DNAAF4: variants seen among roughly 807,000 people sequenced by gnomAD.
The protein encoded by DNAAF4 is dynein axonemal assembly factor 4.
DNAAF4 carries 43 observed loss-of-function variants against 51.8 expected under a neutral mutation model. The observed-to-expected ratio is 0.83, with a 90% CI of 0.65 to 1.07. The LOEUF is 1.07. Among genes scored for constraint, DNAAF4 ranks in the 50% least tolerant of loss-of-function variants. The pLI, the probability that DNAAF4 is intolerant of heterozygous loss-of-function variation, is 0.00. For synonymous variants in DNAAF4, 194 were observed against 165.6 expected (o/e 1.17, Z -1.32); for missense variants, 581 against 493.0 (o/e 1.18, Z -1.69).
exon 8 of DNAAF4, chr15:55,418,055 C>T (rs781566474): frequency 4.3e-6 from 6 of 1,393,206 alleles, no homozygotes; most frequent in African/African-American, 1.5e-5. Context: ...TGGATGTATA[C>T]GTGCAGGTCA....
intron 1 of DNAAF4, among the ~76,000 whole-genome samples, chr15:55,504,917 A>T (rs551531185): frequency 1.1e-3 from 162 of 152,372 alleles, no homozygotes; most frequent in African/African-American, 3.7e-3. Flanking sequence ...CAAAATTGAC[A>T]AATGGGATCT....
chr15:55,445,593 A>G (rs6493789), intron 6 of DNAAF4, among the ~76,000 whole-genome samples: 83,460 of 150,892 alleles, frequency 0.55, 24,305 homozygotes, highest in African/African-American at 0.74. Context: ...TGGGGCGGCC[A>G]GGCAGAGGCG....
At chr15:55,493,306 G>C (rs1156234007) in intron 3 of DNAAF4, among the ~76,000 whole-genome samples, 1 of 152,196 alleles carries the variant, frequency 6.6e-6, no homozygotes, top group Admixed American at 6.5e-5. Context: ...ACTATTATTT[G>C]TTGCCTATCT....
intron 4 of DNAAF4, among the ~76,000 whole-genome samples, chr15:55,468,607 A>G (rs1049753469): frequency 6.6e-6 from 1 of 152,132 alleles, no homozygotes; most frequent in Non-Finnish European, 1.5e-5. Context: ...CAGCCTAATT[A>G]TATGTCTGCC....
intron 4 of DNAAF4, among the ~76,000 whole-genome samples, chr15:55,487,408 T>A (rs531642598): frequency 6.6e-6 from 1 of 152,090 alleles, no homozygotes; most frequent in East Asian, 1.9e-4. Context: ...CAATCAGCAC[T>A]CTGTAAAATG....
At chr15:55,419,119 T>C (rs1389301546) in intron 7 of DNAAF4, among the ~76,000 whole-genome samples, 5 of 152,192 alleles carry the variant, frequency 3.3e-5, no homozygotes, top group Admixed American at 3.3e-4. Flanking sequence ...GGTTTCACCC[T>C]GTTAGCTAGG....
At chr15:55,460,302 C>T (rs942467049) in intron 5 of DNAAF4, among the ~76,000 whole-genome samples, 8 of 151,724 alleles carry the variant, frequency 5.3e-5, no homozygotes, top group East Asian at 3.9e-4. Flanking sequence ...GCCTCAGCCT[C>T]CTGAGTAGCT....
intron 7 of DNAAF4, chr15:55,418,355 CTA>C (rs747152296): frequency 6.5e-7 from 1 of 1,538,512 alleles, no homozygotes; most frequent in African/African-American, 1.4e-5. Context: ...AGCCACCTCA[CTA>C]TCAAAACCTC....
At chr15:55,478,107 G>A (rs1466661002) in intron 4 of DNAAF4, among the ~76,000 whole-genome samples, 1 of 152,114 alleles carries the variant, frequency 6.6e-6, no homozygotes, top group Non-Finnish European at 1.5e-5. Context: ...CATTACTACT[G>A]AGGATCCCTG....
At chr15:55,484,089 C>T (rs1015728529) in intron 4 of DNAAF4, among the ~76,000 whole-genome samples, 4 of 151,858 alleles carry the variant, frequency 2.6e-5, no homozygotes, top group African/African-American at 9.7e-5. Flanking sequence ...ACCAAAATAA[C>T]AAGTGTTAGT....
intron 5 of DNAAF4, among the ~76,000 whole-genome samples, chr15:55,465,607 C>T (rs1258545116): frequency 6.9e-6 from 1 of 145,558 alleles, no homozygotes; most frequent in Non-Finnish European, 1.5e-5. Context: ...GCTCTTGTTG[C>T]CCAGGCTGGA....
downstream of DNAAF4, among the ~76,000 whole-genome samples, chr15:55,429,703 T>G (rs1200668558): frequency 1.3e-5 from 2 of 149,074 alleles, no homozygotes; most frequent in Non-Finnish European, 3.0e-5. Context: ...TGTAGTCCCA[T>G]CTACTCGGGA....
At chr15:55,424,633 G>A (rs981706996) in intron 7 of DNAAF4, among the ~76,000 whole-genome samples, 6 of 152,194 alleles carry the variant, frequency 3.9e-5, no homozygotes, top group African/African-American at 1.4e-4. Context: ...CACGATCTCA[G>A]CTCACTGCAA....
chr15:55,505,888 C>T (rs2058724830), intron 1 of DNAAF4, among the ~76,000 whole-genome samples: 2 of 152,134 alleles, frequency 1.3e-5, no homozygotes, highest in African/African-American at 4.8e-5. Flanking sequence ...GCACGTTGTG[C>T]ACATGTACCT....
rs2057474421 is a variant in DNAAF4 at position 55,430,368 on chromosome 15, T to TG, written c.*301dup. 1 of 989,220 alleles carries TG rather than the reference T, an allele frequency of 1.0e-6. No homozygotes were observed. Among genetic ancestry groups the TG allele is most frequent in the African/African-American group, 1.7e-5 (1 of 57,348 alleles). The allele number at this position is 989,220 out of a possible 1,614,324, so 61.3% of individuals were successfully genotyped here. A position where few individuals can be genotyped will look rare whatever the true frequency, so the allele number is the denominator to read the frequency against. On this transcript the variant is annotated 3_prime_UTR_variant, in exon 10 of 10. Coordinates refer to ENST00000321149, the MANE Select transcript of DNAAF4 (RefSeq NM_130810.4). ...GTTAAAAATTAATCAGTAAGTGTCC[T>TG]GGTAACTATACCAAAACATATTTTG... is the stretch of plus-strand genomic sequence containing the variant.
chr15:55,499,733 G>C (rs1437159320), intron 1 of DNAAF4, among the ~76,000 whole-genome samples: 7 of 152,284 alleles, frequency 4.6e-5, no homozygotes, highest in African/African-American at 1.4e-4. Context: ...GGGTAAATTG[G>C]AATTACACTG....
intron 4 of DNAAF4, among the ~76,000 whole-genome samples, chr15:55,488,085 T>C (rs1304515313): frequency 6.6e-6 from 1 of 151,890 alleles, no homozygotes; most frequent in East Asian, 1.9e-4. Flanking sequence ...TCCTTGACCA[T>C]ACTCTCAGGA....
At chr15:55,443,393 C>T in intron 6 of DNAAF4, 1 of 624,346 alleles carries the variant, frequency 1.6e-6, no homozygotes, top group Non-Finnish European at 2.8e-6. Context: ...GCCGCACTTG[C>T]TCTAGCCCTG....
intron 5 of DNAAF4, among the ~76,000 whole-genome samples, chr15:55,451,934 T>C (rs2057939008): frequency 6.6e-6 from 1 of 151,918 alleles, no homozygotes; most frequent in African/African-American, 2.4e-5. Context: ...AAATAATATT[T>C]TTAAATAGTA....
Sources: allele counts gnomAD v4.1 joint callset (sites outside exome capture counted in the v4.1 genomes callset), GRCh38; gene constraint gnomAD v4.1.1; transcripts MANE v1.5; gene names NCBI Gene and HGNC (gene_info 2026-07-23, HGNC 2026-07-21).